The following GALC variants were observed in gnomAD, a reference collection of about 807,000 sequenced individuals.
GALC encodes the protein galactosylceramidase, also known as galactocerebrosidase.
A neutral mutation model predicts 91.8 loss-of-function variants in GALC; 77 were observed. That is an observed-to-expected ratio of 0.84 (90% confidence interval 0.70 to 1.01). The LOEUF (loss-of-function observed/expected upper bound fraction) is 1.01, where lower values mean the gene tolerates loss of function less well. GALC is among the 50% of genes least tolerant of loss of function. GALC has a pLI of 0.00. For synonymous variants in GALC, 357 were observed against 306.7 expected, an observed-to-expected ratio of 1.16 and a Z score of -1.71; for missense variants, 882 against 855.9, an observed-to-expected ratio of 1.03 and a Z score of -0.38.
chr14:87,952,609 T>A (rs1885358669), intron 10 of GALC: 2 of 1,509,436 alleles, frequency 1.3e-6, no homozygotes, highest in Non-Finnish European at 1.8e-6. Context: ...AAAATTCAGC[T>A]TTTATACAGT....
At chr14:87,982,313 G>A (rs553354408) in intron 5 of GALC, 70 bp from the exon 6 acceptor site, 27 of 1,006,112 alleles carry the variant, frequency 2.7e-5, no homozygotes, top group Middle Eastern at 4.1e-4. Flanking sequence ...TTATCGTTAC[G>A]ATACCATTTC....
At chr14:87,936,562 C>T (rs567332913) in intron 16 of GALC, among the ~76,000 whole-genome samples, 1 of 151,900 alleles carries the variant, frequency 6.6e-6, no homozygotes, top group South Asian at 2.1e-4. Flanking sequence ...GTTGCCAACC[C>T]CTGTCCTAGA....
chr14:87,992,801 C>G (rs1887263581), intron 1 of GALC, 169 bp downstream of exon 1: 1 of 1,408,484 alleles, frequency 7.1e-7, no homozygotes, highest in South Asian at 1.6e-5. Flanking sequence ...GCACCCGCCC[C>G]AGCCCCGCAG....
rs186702480 is a variant in GALC at position 87,984,048 on chromosome 14, C to A, written c.582+346G>T. On this transcript the variant is annotated intron_variant, in intron 5 of 16. Transcript: ENST00000261304. ...AAGAGGATAAAATGAGACTAACCCCCCATAAGCTGTATAGGAAACACAACA... is the reference window on the plus strand; with the variant it reads ...AAGAGGATAAAATGAGACTAACCCCACATAAGCTGTATAGGAAACACAACA... Among the ~76,000 whole-genome samples the A allele has an allele frequency of 2.4e-3, 360 of 151,366 alleles. 1 individual carries two copies. Among genetic ancestry groups the A allele is most frequent in the Non-Finnish European group, 4.1e-3 (278 of 67,972 alleles).
chr14:87,947,661 C>G, intron 13 of GALC, 67 bp downstream of exon 13: 2 of 1,472,224 alleles, frequency 1.4e-6, no homozygotes, highest in Non-Finnish European at 1.9e-6. Flanking sequence ...CCCAGTTTGA[C>G]AGGTAGAAAT....
Position 87,963,373 on chromosome 14 carries a change from C to T in GALC, c.1161+11G>A. The T allele has an allele frequency of 6.2e-7, 1 of 1,612,750 alleles. No homozygotes were observed. The highest frequency in any genetic ancestry group is 1.3e-5 in the African/African-American group (1 of 74,960). ...AAGTGAGTTAATCCAATAGCAACAA[C>T]AAAAGTTTACCATGGTTTCAATGAT... On this transcript the variant is annotated intron_variant, in intron 10 of 16. Transcript: ENST00000261304.
At chr14:87,960,209 A>G (rs1037066160) in intron 10 of GALC, among the ~76,000 whole-genome samples, 4 of 148,802 alleles carry the variant, frequency 2.7e-5, no homozygotes, top group South Asian at 2.1e-4. Flanking sequence ...GTGTAAGTTG[A>G]TATCACAGAT....
At chr14:87,954,116 A>C (rs1250830681) in intron 10 of GALC, 1 of 1,609,034 alleles carries the variant, frequency 6.2e-7, no homozygotes, top group East Asian at 2.2e-5. Context: ...TTCAGCCTGA[A>C]GAATATTCCA....
At chr14:87,991,761 C>T (rs999959162) in intron 1 of GALC, among the ~76,000 whole-genome samples, 1 of 152,052 alleles carries the variant, frequency 6.6e-6, no homozygotes, top group Admixed American at 6.5e-5. Context: ...CTTTGAATTA[C>T]GAAATGATTC....
chr14:87,963,931 T>C (rs959303652), intron 9 of GALC, among the ~76,000 whole-genome samples: 1 of 152,178 alleles, frequency 6.6e-6, no homozygotes, highest in Admixed American at 6.6e-5. Flanking sequence ...TGTACATTTA[T>C]TGGTCACCTC....
At chr14:87,954,407 A>G (rs1885432215) in intron 10 of GALC, 4 of 1,596,430 alleles carry the variant, frequency 2.5e-6, no homozygotes, top group Non-Finnish European at 2.6e-6. Context: ...TGTATTATGG[A>G]GTCCTGGAGC....
chr14:87,956,198 C>T (rs919486321), intron 10 of GALC, among the ~76,000 whole-genome samples: 3 of 151,958 alleles, frequency 2.0e-5, no homozygotes, highest in African/African-American at 7.3e-5. Context: ...AAAAACAAAT[C>T]CCAGGGTGAC....
intron 16 of GALC, among the ~76,000 whole-genome samples, chr14:87,937,902 C>T (rs1884654814): frequency 6.7e-6 from 1 of 149,522 alleles, no homozygotes; most frequent in African/African-American, 2.5e-5. Context: ...TTCCTGTGTT[C>T]TCTCATGGGG....
At chr14:87,952,339 T>C (rs1475187100) in intron 10 of GALC, among the ~76,000 whole-genome samples, 1 of 151,850 alleles carries the variant, frequency 6.6e-6, no homozygotes, top group African/African-American at 2.4e-5. Flanking sequence ...AGGCATGAAA[T>C]AGCTTCAAAC....
At position 87,988,547 on chromosome 14, in the gene GALC, T is replaced by C. The variant is rs1567014720; in HGVS notation, c.196-24A>G. 5.2e-6 allele frequency: 8 copies of C among 1,536,350 alleles called. No individual in the cohort carries two copies. The African/African-American group carries it at 6.8e-5, about 13-fold the overall frequency. ...GCCTAAAAAAAAAAGTTTTCAAAAG[T>C]ATGAATAAAAGAAATCCAGTCATGA... On this transcript the variant is annotated intron_variant, in intron 1 of 16. Transcript: ENST00000261304.
chr14:87,976,223 A>G lies in GALC; in HGVS notation c.752+135T>C. 4 of 848,006 alleles carry G rather than the reference A, an allele frequency of 4.7e-6. No individual in the cohort carries two copies. In the South Asian group the frequency reaches 5.6e-5, roughly 12 times the overall value. 52.5% of individuals were successfully genotyped at this position (848,006 alleles called of 1,614,324 possible). A position where few individuals can be genotyped will look rare whatever the true frequency, so the allele number is the denominator to read the frequency against. The stretch of plus-strand genomic sequence containing the variant: ...GAAAATAATGAACTATGAGCCATGC[A>G]TGCTTCAGGTAAGTGAATACAGGAG... On this transcript the variant is annotated intron_variant, in intron 7 of 16. Coordinates refer to ENST00000261304, the MANE Select transcript of GALC (RefSeq NM_000153.4).
At chr14:87,991,850 C>T (rs1425367885) in intron 1 of GALC, among the ~76,000 whole-genome samples, 2 of 152,028 alleles carry the variant, frequency 1.3e-5, no homozygotes, top group Admixed American at 1.3e-4. Context: ...AAGCTCTTAC[C>T]CTAGATATAG....
At chr14:87,943,395 A>G (rs1884936699) in intron 14 of GALC, among the ~76,000 whole-genome samples, 1 of 152,050 alleles carries the variant, frequency 6.6e-6, no homozygotes, top group South Asian at 2.1e-4. Flanking sequence ...AGGAAGTTCT[A>G]CTCAAAACAC....
At chr14:87,993,336 A>G, upstream of GALC, 1 of 1,535,894 alleles carries the variant, frequency 6.5e-7, no homozygotes, top group Non-Finnish European at 8.7e-7. Context: ...GCTTTTTCTT[A>G]TCGCTCGCGT....
Sources: gnomAD v4.1 joint callset for allele counts (sites outside exome capture counted in the v4.1 genomes callset) on GRCh38, gnomAD v4.1.1 for gene constraint, MANE v1.5 for transcripts, NCBI Gene and HGNC (gene_info 2026-07-23, HGNC 2026-07-21) for gene names.